DPP10: variants seen among roughly 807,000 people sequenced by gnomAD.
DPP10 encodes the protein dipeptidyl peptidase like 10.
In DPP10, 33 loss-of-function variants were observed where a neutral mutation model predicts 120.9. That is an observed-to-expected ratio of 0.27 (90% CI 0.21 to 0.37). The LOEUF (loss-of-function observed/expected upper bound fraction) is 0.37, where lower values mean the gene tolerates loss of function less well. DPP10 is among the 10% of genes least tolerant of loss of function. The pLI is 1.00. For synonymous variants in DPP10, 337 were observed against 326.1 expected (o/e 1.03, Z -0.36); for missense variants, 816 against 942.8 (o/e 0.87, Z 1.76).
intron 1 of DPP10, among the ~76,000 whole-genome samples, chr2:114,909,516 G>A (rs1574467154): frequency 6.6e-6 from 1 of 151,938 alleles, no homozygotes; most frequent in South Asian, 2.1e-4. Flanking sequence ...TCCCTAAAAT[G>A]CATTACTCTT....
intron 1 of DPP10, among the ~76,000 whole-genome samples, chr2:114,473,939 T>G (rs537983441): frequency 1.3e-5 from 2 of 152,282 alleles, no homozygotes; most frequent in Non-Finnish European, 2.9e-5. Context: ...TTTGTAATTT[T>G]GTGAATGCTT....
chr2:115,224,638 A>G (rs1325857525), intron 1 of DPP10, among the ~76,000 whole-genome samples: 1 of 152,168 alleles, frequency 6.6e-6, no homozygotes, highest in African/African-American at 2.4e-5. Context: ...AATGTATTAT[A>G]TATTTGAAAA....
chr2:115,138,143 A>G (rs1485609724), intron 1 of DPP10, among the ~76,000 whole-genome samples: 2 of 152,096 alleles, frequency 1.3e-5, no homozygotes, highest in African/African-American at 2.4e-5. Flanking sequence ...TCCTCTCTAC[A>G]TGGGGGTCTG....
At chr2:115,121,507 C>T (rs1472923490) in intron 1 of DPP10, among the ~76,000 whole-genome samples, 2 of 152,164 alleles carry the variant, frequency 1.3e-5, no homozygotes, top group Non-Finnish European at 2.9e-5. Context: ...AGTTTAAGGC[C>T]TTTATTGGAT....
At chr2:114,947,252 T>G (rs935891978) in intron 1 of DPP10, among the ~76,000 whole-genome samples, 4 of 152,102 alleles carry the variant, frequency 2.6e-5, no homozygotes, top group African/African-American at 9.6e-5. Context: ...TATGTTAGCT[T>G]TATTTATCAA....
At chr2:115,712,443 C>G (rs2092349272) in intron 7 of DPP10, among the ~76,000 whole-genome samples, 1 of 149,256 alleles carries the variant, frequency 6.7e-6, no homozygotes, top group African/African-American at 2.5e-5. Flanking sequence ...TGGTCCATGG[C>G]CTGGGGGTTA....
chr2:115,603,584 T>G (rs2149224787), intron 5 of DPP10, among the ~76,000 whole-genome samples: 1 of 147,902 alleles, frequency 6.8e-6, no homozygotes, highest in East Asian at 2.0e-4. Context: ...TTTTTTTTTT[T>G]GGATTTCTTG....
intron 1 of DPP10, among the ~76,000 whole-genome samples, chr2:115,259,460 G>A (rs1030076076): frequency 4.0e-5 from 6 of 151,242 alleles, no homozygotes; most frequent in Admixed American, 2.0e-4. Context: ...CTCCAGCATG[G>A]GCAACAAGAG....
intron 3 of DPP10, among the ~76,000 whole-genome samples, chr2:115,443,865 A>C (rs994564324): frequency 6.6e-6 from 1 of 152,190 alleles, no homozygotes; most frequent in Non-Finnish European, 1.5e-5. Context: ...ATTCTTTGTT[A>C]CAGGAGTCTG....
intron 3 of DPP10, among the ~76,000 whole-genome samples, chr2:115,379,488 C>T (rs181281883): frequency 1.3e-5 from 2 of 151,902 alleles, no homozygotes; most frequent in Non-Finnish European, 2.9e-5. Flanking sequence ...TTTTGTTGAT[C>T]CTTTCAAAAA....
chr2:115,784,072 T>A (rs1683072061), intron 17 of DPP10, among the ~76,000 whole-genome samples: 1 of 152,230 alleles, frequency 6.6e-6, no homozygotes, highest in African/African-American at 2.4e-5. Context: ...TGCTGCAAAT[T>A]ACAAAACATT....
intron 1 of DPP10, among the ~76,000 whole-genome samples, chr2:114,652,090 G>A (rs1408052036): frequency 6.6e-6 from 1 of 152,116 alleles, no homozygotes; most frequent in Non-Finnish European, 1.5e-5. Flanking sequence ...AGGCAGGTGA[G>A]TGAAATGGGG....
chr2:115,629,106 G>T lies in DPP10; in HGVS notation c.442-60581G>T, dbSNP rs140662974. Among the ~76,000 whole-genome samples, 1,188 of 152,172 alleles carry T rather than the reference G, an allele frequency of 7.8e-3. 16 individuals are homozygous for T. The highest frequency in any genetic ancestry group is 0.028 in the African/African-American group (1,144 of 41,520). On this transcript the variant is annotated intron_variant, in intron 5 of 25. Transcript: ENST00000410059. ...TTGCGATAGTTTGCTGAGAATGATA[G>T]TTTCCCGCTTCATCCATGTCCCTAC...
At chr2:115,225,555 G>A (rs577831261) in intron 1 of DPP10, among the ~76,000 whole-genome samples, 1 of 151,780 alleles carries the variant, frequency 6.6e-6, no homozygotes, top group South Asian at 2.1e-4. Context: ...GGAACTCAGG[G>A]AAGTTTACTG....
At chr2:115,677,546 G>A (rs1460633186) in intron 5 of DPP10, among the ~76,000 whole-genome samples, 1 of 151,970 alleles carries the variant, frequency 6.6e-6, no homozygotes, top group Non-Finnish European at 1.5e-5. Context: ...TCATTTGTAA[G>A]GATACATGTA....
intron 1 of DPP10, chr2:114,461,689 T>G (rs1382852564): frequency 7.1e-6 from 7 of 985,318 alleles, no homozygotes; most frequent in Non-Finnish European, 8.4e-6. Flanking sequence ...TGCTTTTCAT[T>G]TTGATCAGCC....
intron 7 of DPP10, among the ~76,000 whole-genome samples, chr2:115,726,086 A>C (rs937332065): frequency 4.6e-5 from 7 of 152,148 alleles, no homozygotes; most frequent in African/African-American, 1.7e-4. Context: ...TTTCTAACTG[A>C]GGTGGAAGCA....
chr2:114,992,731 A>T (rs975086550), intron 1 of DPP10, among the ~76,000 whole-genome samples: 1 of 152,204 alleles, frequency 6.6e-6, no homozygotes, highest in Non-Finnish European at 1.5e-5. Context: ...CAGTTACTAA[A>T]TTCCTTTACT....
chr2:114,938,998 A>C, intron 1 of DPP10, among the ~76,000 whole-genome samples: 1 of 152,094 alleles, frequency 6.6e-6, no homozygotes, highest in South Asian at 2.1e-4. Context: ...CTGTCACTTC[A>C]TATGTATATT....
Sources: gnomAD v4.1 joint callset for allele counts (sites outside exome capture counted in the v4.1 genomes callset) on GRCh38, gnomAD v4.1.1 for gene constraint, MANE v1.5 for transcripts, NCBI Gene and HGNC (gene_info 2026-07-23, HGNC 2026-07-21) for gene names.